Variants in NTN4 observed in about 807,000 individuals in gnomAD.
NTN4 encodes netrin 4, also known as netrin-4.
Under a neutral mutation model 73.6 loss-of-function variants are expected in NTN4, and 32 were observed. The observed-to-expected ratio is 0.44, with a 90% CI of 0.33 to 0.58. The LOEUF (loss-of-function observed/expected upper bound fraction) is 0.58. NTN4 is among the 20% of genes least tolerant of loss of function. The probability of loss-of-function intolerance (pLI) is 0.04; values close to 1 mark genes in which losing one functional copy is unlikely to be tolerated. For missense variants in NTN4, 654 were observed against 798.3 expected (o/e 0.82, Z 2.18); for synonymous variants, 258 against 287.5 (o/e 0.90, Z 1.04).
intron 5 of NTN4, among the ~76,000 whole-genome samples, chr12:95,685,970 C>T (rs1187135037): frequency 6.6e-6 from 1 of 152,094 alleles, no homozygotes; most frequent in African/African-American, 2.4e-5. Context: ...ACTGCAGCCT[C>T]GACCTCCCAG....
chr12:95,660,172 C>T (rs943911652), intron 9 of NTN4, among the ~76,000 whole-genome samples: 1 of 152,092 alleles, frequency 6.6e-6, no homozygotes, highest in Non-Finnish European at 1.5e-5. Flanking sequence ...CACCACCATG[C>T]CTGGCTAATT....
rs1236923261 is a variant in NTN4 at position 95,737,878 on chromosome 12, T to A, written c.852A>T (p.Gly284=). The A allele has an allele frequency of 1.1e-5, 18 of 1,611,266 alleles. No individual in the cohort carries two copies. The highest frequency in any genetic ancestry group is 1.1e-5 in the Non-Finnish European group (13 of 1,177,870). The change falls in exon 3 of 10, where the codon GGA becomes GGT. Residue 284 remains glycine (G), a synonymous_variant. Transcript: ENST00000343702. ...VHGFRPVKAP[G]TFHMVHGKCM... ...TTGTTTCACCTACCATGTGGAATGT[T>A]CCTGGGGCCTTGACAGGTCTGAAGC...
At position 95,670,163 on chromosome 12, in the gene NTN4, A is replaced by T. The variant is rs2078216424; in HGVS notation, c.1511-17T>A. On this transcript the variant is annotated splice_polypyrimidine_tract_variant and intron_variant, in intron 7 of 9. Transcript: ENST00000343702. ...CGCATTTACCTATGGAAAGTAAATT[A>T]AAAATGGTGTTAGTTATTAGAAAAG... 4.7e-6 allele frequency: 7 copies of T among 1,490,096 alleles called. No homozygotes were observed. Among genetic ancestry groups the T allele is most frequent in the Admixed American group, 1.9e-5 (1 of 52,616 alleles). The allele number at this position is 1,490,096 out of a possible 1,614,324, so 92.3% of individuals were successfully genotyped here.
chr12:95,774,175 C>T (rs1179909221), intron 2 of NTN4, among the ~76,000 whole-genome samples: 2 of 101,042 alleles, frequency 2.0e-5, no homozygotes, highest in African/African-American at 3.3e-5. Flanking sequence ...GTTTTTCTCT[C>T]TTTTTTTTTT....
chr12:95,769,717 G>A (rs972032754), intron 2 of NTN4, among the ~76,000 whole-genome samples: 1 of 124,076 alleles, frequency 8.1e-6, no homozygotes, highest in African/African-American at 2.8e-5. Flanking sequence ...CTCAGCTGTT[G>A]TTACAGGTGC....
intron 2 of NTN4, among the ~76,000 whole-genome samples, chr12:95,753,932 G>A (rs7977827): frequency 0.13 from 19,534 of 151,302 alleles, 2,338 homozygotes; most frequent in African/African-American, 0.33. Context: ...CCTATTCACC[G>A]TTCTCAACTA....
At chr12:95,687,850 A>G (rs562358659) in intron 5 of NTN4, among the ~76,000 whole-genome samples, 1 of 152,266 alleles carries the variant, frequency 6.6e-6, no homozygotes, top group Admixed American at 6.5e-5. Context: ...TGCCCTAATC[A>G]GCATCTGTGG....
intron 7 of NTN4, among the ~76,000 whole-genome samples, chr12:95,679,605 A>AATT (rs749540887): frequency 1.6e-4 from 25 of 152,236 alleles, no homozygotes; most frequent in Non-Finnish European, 3.1e-4. Context: ...TTCTATGAAC[A>AATT]ATTATTGCCC....
chr12:95,790,918 C>A (rs1367774066), upstream of NTN4, among the ~76,000 whole-genome samples: 2 of 115,350 alleles, frequency 1.7e-5, no homozygotes, highest in African/African-American at 6.4e-5. This position sits in a 1 kb window ranked among gnomAD's most constrained non-coding sequence, Gnocchi z 6.5. Flanking sequence ...TCGCCGCTGC[C>A]GCTGCCGCCC....
At chr12:95,720,771 C>A (rs1160715616) in intron 3 of NTN4, among the ~76,000 whole-genome samples, 3 of 152,182 alleles carry the variant, frequency 2.0e-5, no homozygotes, top group Non-Finnish European at 2.9e-5. Context: ...TAGTGGTCAT[C>A]TCCTGGAGAT....
At chr12:95,712,787 C>CTTTTTTTTTTTTTTTTTT (rs35614636) in intron 4 of NTN4, among the ~76,000 whole-genome samples, 12 of 105,732 alleles carry the variant, frequency 1.1e-4, no homozygotes, top group Non-Finnish European at 1.5e-4. Flanking sequence ...TTCTTTCTTT[C>CTTTTTTTTTTTTTTTTTT]TTTTTTTTTT....
intron 9 of NTN4, among the ~76,000 whole-genome samples, chr12:95,659,977 G>T (rs1314939706): frequency 6.6e-6 from 1 of 151,972 alleles, no homozygotes; most frequent in Non-Finnish European, 1.5e-5. Context: ...ACTGTGTATG[G>T]TAGTGTATAT....
chr12:95,743,409 T>G (rs1256405150), intron 2 of NTN4, among the ~76,000 whole-genome samples: 1 of 152,244 alleles, frequency 6.6e-6, no homozygotes, highest in Non-Finnish European at 1.5e-5. Context: ...TGATTTGACT[T>G]TTTAAAAATA....
intron 2 of NTN4, among the ~76,000 whole-genome samples, chr12:95,753,329 C>T (rs1342378995): frequency 6.8e-6 from 1 of 148,020 alleles, no homozygotes; most frequent in Admixed American, 6.7e-5. Context: ...TTCAGGCCCC[C>T]TCCCTTCCCT....
chr12:95,790,868 C>G (rs2079204898), upstream of NTN4: 1 of 149,796 alleles, frequency 6.7e-6, no homozygotes, highest in African/African-American at 2.4e-5. The surrounding 1 kb of genome is among the most constrained non-coding windows in gnomAD (Gnocchi z 6.5). Context: ...GCCCGCCCCC[C>G]GCGCTTGACA....
intron 7 of NTN4, among the ~76,000 whole-genome samples, chr12:95,676,187 T>C (rs2078272051): frequency 6.6e-6 from 1 of 152,170 alleles, no homozygotes; most frequent in Non-Finnish European, 1.5e-5. Flanking sequence ...TACTGCAACC[T>C]CTGCCTTCCA....
chr12:95,767,189 C>A (rs938922149), intron 2 of NTN4, among the ~76,000 whole-genome samples: 4 of 152,056 alleles, frequency 2.6e-5, no homozygotes, highest in Non-Finnish European at 4.4e-5. Flanking sequence ...CCCTCTCCAA[C>A]CACTCTCAGG....
intron 9 of NTN4, among the ~76,000 whole-genome samples, chr12:95,662,856 G>A (rs555966036): frequency 6.6e-6 from 1 of 152,106 alleles, no homozygotes; most frequent in African/African-American, 2.4e-5. Context: ...AGTGGCTCTC[G>A]CCTGTAATCC....
chr12:95,736,883 T>C (rs1048365126), intron 3 of NTN4, among the ~76,000 whole-genome samples: 13 of 152,198 alleles, frequency 8.5e-5, no homozygotes, highest in African/African-American at 3.1e-4. Flanking sequence ...TGGCTGCTGG[T>C]GGCCTATCGT....
Sources: gnomAD v4.1 joint callset for allele counts (sites outside exome capture counted in the v4.1 genomes callset) on GRCh38, gnomAD v4.1.1 for gene constraint, Gnocchi (gnomAD v3.1) non-coding constraint, MANE v1.5 for transcripts, NCBI Gene and HGNC (gene_info 2026-07-23, HGNC 2026-07-21) for gene names.